Variants in ABL1 observed in about 807,000 individuals in gnomAD.
ABL1 encodes ABL proto-oncogene 1, non-receptor tyrosine kinase, also known as tyrosine-protein kinase ABL1.
ABL1 carries 11 observed loss-of-function variants against 94.7 expected under a neutral mutation model. The observed-to-expected ratio is 0.12, with a 90% CI of 0.07 to 0.19. The LOEUF (loss-of-function observed/expected upper bound fraction) is 0.19. ABL1 is among the 10% of genes least tolerant of loss of function. The pLI is 1.00. For missense variants in ABL1, 1,082 were observed against 1,489.4 expected (o/e 0.73, Z 4.50); for synonymous variants, 656 against 622.4 (o/e 1.05, Z -0.80).
At chr9:130,734,852 G>A (rs1831714546) in intron 1 of ABL1, among the ~76,000 whole-genome samples, 1 of 151,980 alleles carries the variant, frequency 6.6e-6, no homozygotes. Flanking sequence ...TTTGGTAGTT[G>A]AGTGTTTTGG....
rs187708827 is a variant in ABL1 at position 130,816,266 on chromosome 9, C to A, written c.137-37798C>A. ...TGCTTCCTCCGTAGTTCACTCTTCA[C>A]CTCCTTTGGGTCTTTGCTCAGTTGT... On this transcript the variant is annotated intron_variant, in intron 1 of 10. Coordinates refer to the ABL1 transcript ENST00000372348. Among the ~76,000 whole-genome samples, 179 of 152,308 alleles carry A rather than the reference C, an allele frequency of 1.2e-3. 1 individual carries two copies. Among genetic ancestry groups the A allele is most frequent in the African/African-American group, 4.1e-3 (169 of 41,564 alleles).
intron 1 of ABL1, among the ~76,000 whole-genome samples, chr9:130,764,648 AATG>A (rs1486284871): frequency 6.6e-6 from 1 of 152,166 alleles, no homozygotes; most frequent in African/African-American, 2.4e-5. Flanking sequence ...TTGGATGAAT[AATG>A]TCACTTAAGA....
At chr9:130,771,861 C>T (rs185228612) in intron 1 of ABL1, among the ~76,000 whole-genome samples, 194 of 151,046 alleles carry the variant, frequency 1.3e-3, no homozygotes, top group African/African-American at 4.4e-3. Context: ...TCAAGCAATC[C>T]TCCCACCTCA....
intron 1 of ABL1, among the ~76,000 whole-genome samples, chr9:130,812,801 A>C (rs1446365627): frequency 6.6e-6 from 1 of 152,256 alleles, no homozygotes; most frequent in Non-Finnish European, 1.5e-5. Flanking sequence ...CAATATAATC[A>C]ACTGACTTGA....
chr9:130,746,587 C>G (rs1259479570), intron 1 of ABL1, among the ~76,000 whole-genome samples: 1 of 151,200 alleles, frequency 6.6e-6, no homozygotes, highest in Non-Finnish European at 1.5e-5. Context: ...TGAGATCCAT[C>G]TAAATGTTGC....
At chr9:130,785,950 A>G (rs533839547) in intron 1 of ABL1, among the ~76,000 whole-genome samples, 291 of 151,646 alleles carry the variant, frequency 1.9e-3, no homozygotes, top group African/African-American at 6.6e-3. Context: ...AAAAAAAAAA[A>G]AAAAATCTCC....
At chr9:130,807,075 G>A (rs1439835844) in intron 1 of ABL1, among the ~76,000 whole-genome samples, 2 of 151,936 alleles carry the variant, frequency 1.3e-5, no homozygotes, top group African/African-American at 2.4e-5. Flanking sequence ...GCTTGAACCC[G>A]GGAGGCAGAG....
chr9:130,872,074 C>G lies in ABL1; in HGVS notation c.823-55C>G. 1 of 1,521,196 alleles carries G rather than the reference C, an allele frequency of 6.6e-7. No individual in the cohort carries two copies. Among genetic ancestry groups the G allele is most frequent in the South Asian group, 1.1e-5 (1 of 87,792 alleles). 94.2% of individuals were successfully genotyped at this position (1,521,196 alleles called of 1,614,324 possible). On this transcript the variant is annotated intron_variant, in intron 4 of 10. Coordinates refer to ENST00000318560, the MANE Select transcript of ABL1 (RefSeq NM_005157.6). The surrounding 1 kb of genome is among the most constrained non-coding windows in gnomAD (Gnocchi z 5.0). ...TTTGCATTAACTAGTCAAGTACTTA[C>G]CCACTGAAAAGCACTTCCTGAAATA...
chr9:130,774,999 T>A (rs1832295153), intron 1 of ABL1, among the ~76,000 whole-genome samples: 1 of 152,238 alleles, frequency 6.6e-6, no homozygotes, highest in Non-Finnish European at 1.5e-5. Context: ...ATAACTTTTA[T>A]TCTAAGCATG....
At chr9:130,718,769 C>T (rs1247303732) in intron 1 of ABL1, among the ~76,000 whole-genome samples, 2 of 152,112 alleles carry the variant, frequency 1.3e-5, no homozygotes, top group Non-Finnish European at 2.9e-5. Context: ...GTGTTCCCAG[C>T]TACTTGAGTG....
At chr9:130,868,682 G>A (rs893420712) in intron 4 of ABL1, among the ~76,000 whole-genome samples, 3 of 151,262 alleles carry the variant, frequency 2.0e-5, no homozygotes, top group Non-Finnish European at 4.4e-5. Context: ...CACCACGCCC[G>A]GCTAATTTTT....
At chr9:130,717,731 A>C (rs1454082368) in intron 1 of ABL1, among the ~76,000 whole-genome samples, 1 of 151,408 alleles carries the variant, frequency 6.6e-6, no homozygotes, top group African/African-American at 2.4e-5. Context: ...ATTCCTGGCT[A>C]GGCCGGGCAC....
chr9:130,816,496 C>T (rs900882914), intron 1 of ABL1, among the ~76,000 whole-genome samples: 1 of 151,192 alleles, frequency 6.6e-6, no homozygotes, highest in African/African-American at 2.4e-5. Flanking sequence ...TTTAAAATTG[C>T]AGCTCCCAGC....
chr9:130,846,111 TTGTGTG>T (rs567957717), intron 1 of ABL1, among the ~76,000 whole-genome samples: 247 of 137,766 alleles, frequency 1.8e-3, no homozygotes, highest in African/African-American at 6.1e-3. Flanking sequence ...GTGTGTGTGC[TTGTGTG>T]TGTGTGTGTT....
rs371291245 is a variant in ABL1 at position 130,863,352 on chromosome 9, C to T, written c.822+317C>T. Among the ~76,000 whole-genome samples, 4 of 152,008 alleles carry T rather than the reference C, an allele frequency of 2.6e-5. No individual in the cohort carries two copies. The highest frequency in any genetic ancestry group is 9.7e-5 in the African/African-American group (4 of 41,378). On this transcript the variant is annotated intron_variant, in intron 4 of 10. Transcript: ENST00000318560. The surrounding 1 kb of genome is among the most constrained non-coding windows in gnomAD (Gnocchi z 4.3). ...TAAAGCCGTGGATTTCCATGCTGTT[C>T]GTGCGGCATGGAGATCACTTCCTAC... is the stretch of plus-strand genomic sequence containing the variant.
intron 1 of ABL1, among the ~76,000 whole-genome samples, chr9:130,804,152 C>G (rs370619803): frequency 6.6e-6 from 1 of 151,426 alleles, no homozygotes; most frequent in African/African-American, 2.4e-5. Flanking sequence ...ATCAGGAGAT[C>G]GAGACAATCC....
intron 1 of ABL1, among the ~76,000 whole-genome samples, chr9:130,720,827 C>T (rs942758904): frequency 3.3e-5 from 5 of 151,894 alleles, no homozygotes; most frequent in African/African-American, 9.7e-5. Context: ...GATTTGCTCT[C>T]GGATTAGATG....
rs908444941 is a variant in ABL1 at position 130,800,161 on chromosome 9, C to T, written c.137-53903C>T. 8.6e-5 allele frequency among the ~76,000 whole-genome samples: 13 copies of T among 152,046 alleles called. 1 individual carries two copies. The highest frequency in any genetic ancestry group is 5.2e-4 in the Admixed American group (8 of 15,268). ...TGCTGGGATTACAGACGTGAGCCACCGCACCCAACTATAAAATGTATTTTT... is the reference window on the plus strand; with the variant it reads ...TGCTGGGATTACAGACGTGAGCCACTGCACCCAACTATAAAATGTATTTTT... On this transcript the variant is annotated intron_variant, in intron 1 of 10. Coordinates refer to the ABL1 transcript ENST00000372348.
intron 1 of ABL1, among the ~76,000 whole-genome samples, chr9:130,811,890 C>A (rs57709280): frequency 8.5e-6 from 1 of 118,158 alleles, no homozygotes; most frequent in Non-Finnish European, 1.6e-5. Context: ...GTAGTCTGAG[C>A]GACAGAGTGA....
Sources: allele counts gnomAD v4.1 joint callset (sites outside exome capture counted in the v4.1 genomes callset), GRCh38; gene constraint gnomAD v4.1.1; non-coding constraint Gnocchi (gnomAD v3.1); transcripts MANE v1.5; gene names NCBI Gene and HGNC (gene_info 2026-07-23, HGNC 2026-07-21).